Variants in PTPRO observed in about 807,000 individuals in gnomAD.
PTPRO encodes the protein protein tyrosine phosphatase receptor type O.
In PTPRO, 62 loss-of-function variants were observed where a neutral mutation model predicts 145.2. That is an observed-to-expected ratio of 0.43 (90% confidence interval 0.35 to 0.53). The LOEUF (loss-of-function observed/expected upper bound fraction) is 0.53. Among genes scored for constraint, PTPRO ranks in the 20% least tolerant of loss-of-function variants. PTPRO has a pLI of 0.01. For missense variants in PTPRO, 1,345 were observed against 1,482.7 expected (o/e 0.91, Z 1.53); for synonymous variants, 565 against 514.7 (o/e 1.10, Z -1.32).
intron 1 of PTPRO, among the ~76,000 whole-genome samples, chr12:15,391,045 C>T (rs1392163329): frequency 2.0e-5 from 3 of 152,140 alleles, no homozygotes; most frequent in South Asian, 2.1e-4. Flanking sequence ...ATTCCATCAA[C>T]GAAAACCCTA....
chr12:15,566,999 A>T (rs1342078980), intron 18 of PTPRO, among the ~76,000 whole-genome samples: 1 of 152,202 alleles, frequency 6.6e-6, no homozygotes, highest in Non-Finnish European at 1.5e-5. Context: ...CTAAAGAGGC[A>T]GAGACTAGAG....
chr12:15,592,063 C>T (rs1944565564), intron 25 of PTPRO, among the ~76,000 whole-genome samples: 1 of 152,066 alleles, frequency 6.6e-6, no homozygotes, highest in Admixed American at 6.6e-5. Flanking sequence ...GGATGTTTTC[C>T]AGTTCCAGTT....
intron 3 of PTPRO, among the ~76,000 whole-genome samples, chr12:15,498,124 C>A (rs1942146236): frequency 1.3e-5 from 2 of 152,120 alleles, no homozygotes; most frequent in Non-Finnish European, 2.9e-5. Flanking sequence ...CTGACTGTAA[C>A]TGGAAACATG....
At chr12:15,464,777 A>G (rs1275383792) in intron 1 of PTPRO, among the ~76,000 whole-genome samples, 1 of 152,168 alleles carries the variant, frequency 6.6e-6, no homozygotes, top group African/African-American at 2.4e-5. Context: ...CAGACCACCA[A>G]TAACAGCCAT....
At chr12:15,465,843 G>T (rs887691226) in intron 1 of PTPRO, among the ~76,000 whole-genome samples, 1 of 152,126 alleles carries the variant, frequency 6.6e-6, no homozygotes, top group Non-Finnish European at 1.5e-5. Flanking sequence ...AATTGTGGAA[G>T]GTTTTGAGTG....
At chr12:15,528,677 T>C (rs754131840) in intron 12 of PTPRO, among the ~76,000 whole-genome samples, 8 of 151,766 alleles carry the variant, frequency 5.3e-5, no homozygotes, top group Admixed American at 5.3e-4. Context: ...TTCATGAGGG[T>C]CTGAGAATAC....
chr12:15,570,461 T>C (rs941062505), intron 19 of PTPRO, among the ~76,000 whole-genome samples: 3 of 152,226 alleles, frequency 2.0e-5, no homozygotes, highest in African/African-American at 7.2e-5. Flanking sequence ...GTGGTCCTGG[T>C]GTGGAGACAC....
At chr12:15,594,655 G>T (rs1944621568) in intron 25 of PTPRO, among the ~76,000 whole-genome samples, 1 of 151,724 alleles carries the variant, frequency 6.6e-6, no homozygotes, top group Admixed American at 6.6e-5. Flanking sequence ...TCATCACATT[G>T]TACACCTTAA....
At position 15,439,904 on chromosome 12, in the gene PTPRO, G is replaced by T. The variant is rs752657033; in HGVS notation, c.76-44070G>T. On this transcript the variant is annotated intron_variant, in intron 1 of 26. Transcript: ENST00000281171. ...CCAGCACACCAAGTTCAAGGTGTTT[G>T]TTGCCATTGGGGACTACAATGGCCA... 4.5e-6 allele frequency: 3 copies of T among 661,182 alleles called. No homozygotes were observed. The African/African-American group carries it at 5.3e-5, about 12-fold the overall frequency. 41.0% of individuals were successfully genotyped at this position (661,182 alleles called of 1,614,324 possible).
intron 7 of PTPRO, 94 bp from the exon 8 acceptor site, chr12:15,515,404 A>T: frequency 1.3e-6 from 2 of 1,521,268 alleles, no homozygotes; most frequent in Non-Finnish European, 1.8e-6. Context: ...GTCATCTGTG[A>T]TTCCAAAAAG....
intron 1 of PTPRO, among the ~76,000 whole-genome samples, chr12:15,330,624 T>C (rs935664297): frequency 3.9e-5 from 6 of 152,202 alleles, no homozygotes; most frequent in Non-Finnish European, 5.9e-5. Context: ...TTTATTCTCC[T>C]AGCCTCCACC....
chr12:15,462,200 C>G (rs1941319978), intron 1 of PTPRO, among the ~76,000 whole-genome samples: 1 of 152,188 alleles, frequency 6.6e-6, no homozygotes, highest in Admixed American at 6.5e-5. Context: ...TCTTGGCTCA[C>G]TGCAACCTCC....
chr12:15,407,145 C>T (rs949907789), intron 1 of PTPRO, among the ~76,000 whole-genome samples: 8 of 152,192 alleles, frequency 5.3e-5, no homozygotes, highest in African/African-American at 1.7e-4. Context: ...CTGGACCCCT[C>T]GTTGTTTACC....
intron 12 of PTPRO, among the ~76,000 whole-genome samples, chr12:15,539,645 C>G (rs572402088): frequency 1.3e-5 from 2 of 151,266 alleles, no homozygotes; most frequent in African/African-American, 4.9e-5. Context: ...ACCTGTAATT[C>G]CAGCTGCTCA....
At chr12:15,433,594 C>G (rs1940513006) in intron 1 of PTPRO, among the ~76,000 whole-genome samples, 1 of 152,198 alleles carries the variant, frequency 6.6e-6, no homozygotes, top group East Asian at 1.9e-4. Context: ...GTTATTCCAA[C>G]ACCATTTATT....
intron 12 of PTPRO, among the ~76,000 whole-genome samples, chr12:15,537,885 C>T (rs1325044228): frequency 1.3e-5 from 2 of 152,088 alleles, no homozygotes; most frequent in Non-Finnish European, 2.9e-5. Flanking sequence ...GACAAACAGA[C>T]AGTATGGGCA....
intron 12 of PTPRO, among the ~76,000 whole-genome samples, chr12:15,534,811 G>A (rs1375981321): frequency 6.6e-6 from 1 of 152,224 alleles, no homozygotes; most frequent in East Asian, 1.9e-4. Flanking sequence ...GTTGCTTAAT[G>A]AGAAAGGGAT....
chr12:15,575,195 G>A (rs557136044), intron 19 of PTPRO, among the ~76,000 whole-genome samples: 1 of 152,128 alleles, frequency 6.6e-6, no homozygotes, highest in South Asian at 2.1e-4. Flanking sequence ...GGTTTTATTC[G>A]GTGAAAAGGA....
intron 1 of PTPRO, among the ~76,000 whole-genome samples, chr12:15,483,195 T>C (rs1049424012): frequency 1.3e-5 from 2 of 152,118 alleles, no homozygotes; most frequent in East Asian, 1.9e-4. Context: ...TGAGTCTTGT[T>C]TGAGACCAGA....
Sources: allele counts gnomAD v4.1 joint callset (sites outside exome capture counted in the v4.1 genomes callset), GRCh38; gene constraint gnomAD v4.1.1; transcripts MANE v1.5; gene names NCBI Gene and HGNC (gene_info 2026-07-23, HGNC 2026-07-21).